ZNF799: variants seen among roughly 807,000 people sequenced by gnomAD.
ZNF799 encodes zinc finger protein 799, also known as zinc finger protein 14.
In ZNF799, 28 loss-of-function variants were observed where a neutral mutation model predicts 41.0. That is an observed-to-expected ratio of 0.68 (90% confidence interval 0.51 to 0.94). ZNF799 has a LOEUF of 0.94. ZNF799 is among the 40% of genes least tolerant of loss of function. ZNF799 has a pLI of 0.00. For synonymous variants in ZNF799, 213 were observed against 252.9 expected (o/e 0.84, Z 1.50); for missense variants, 716 against 764.3 (o/e 0.94, Z 0.74).
chr19:12,401,421 T>A, upstream of ZNF799: 1 of 518,158 alleles, frequency 1.9e-6, no homozygotes. Flanking sequence ...GCGGGCTTCC[T>A]CCCTGCTCTT....
the ZNF799 span, among the ~76,000 whole-genome samples, chr19:12,412,544 G>GAA: frequency 5.6e-3 from 831 of 147,274 alleles, 2 homozygotes; most frequent in Non-Finnish European, 8.7e-3. Flanking sequence ...AAATTTGTCA[G>GAA]AAAAAAAAAA....
rs1969974488 is a variant in ZNF799 at position 12,401,017 on chromosome 19, G to A, written c.3+51C>T. The A allele has an allele frequency of 4.3e-6, 7 of 1,613,712 alleles. No individual in the cohort carries two copies. The South Asian group carries it at 7.7e-5, about 18-fold the overall frequency. The stretch of plus-strand genomic sequence containing the variant: ...GGTCCAGCCACAGCCGATTACTGCA[G>A]GTTCCACCCAGCCCCTCCCCCGCCT... On this transcript the variant is annotated intron_variant, in intron 1 of 3. Coordinates refer to ENST00000430385, the MANE Select transcript of ZNF799 (RefSeq NM_001080821.3).
At chr19:12,409,031 A>T in the ZNF799 span, among the ~76,000 whole-genome samples, 1 of 150,946 alleles carries the variant, frequency 6.6e-6, no homozygotes, top group South Asian at 2.1e-4. Context: ...GTGAAACTCC[A>T]CCTCAAGAAA....
Position 12,401,141 on chromosome 19 carries a change from A to C in ZNF799, c.-71T>G. Reference sequence around the variant, plus strand: ...GCCAATGCGGGTTCCCGCGGGACACAGGCTGCCACGGAACTTCCAGGTCGT... The same window carrying C: ...GCCAATGCGGGTTCCCGCGGGACACCGGCTGCCACGGAACTTCCAGGTCGT... On this transcript the variant is annotated 5_prime_UTR_variant, in exon 1 of 4. Transcript: ENST00000430385. The C allele has an allele frequency of 6.2e-7, 1 of 1,611,628 alleles. No homozygotes were observed. The highest frequency in any genetic ancestry group is 1.1e-5 in the South Asian group (1 of 90,948).
At chr19:12,407,735 C>T in the ZNF799 span, among the ~76,000 whole-genome samples, 13 of 152,022 alleles carry the variant, frequency 8.6e-5, no homozygotes, top group South Asian at 6.2e-4. Context: ...ATCTGGGATA[C>T]GAGGGAGGAA....
chr19:12,400,721 A>C, intron 1 of ZNF799: 3 of 493,110 alleles, frequency 6.1e-6, no homozygotes, highest in Non-Finnish European at 1.1e-5. Context: ...CTCTCTGGCT[A>C]TTAAACTGTT....
chr19:12,411,625 T>C, the ZNF799 span, among the ~76,000 whole-genome samples: 1 of 151,958 alleles, frequency 6.6e-6, no homozygotes, highest in African/African-American at 2.4e-5. Context: ...TTTGTTTTTT[T>C]TGAGGCAGAC....
chr19:12,410,611 G>A, the ZNF799 span, among the ~76,000 whole-genome samples: 1 of 151,924 alleles, frequency 6.6e-6, no homozygotes, highest in East Asian at 1.9e-4. Flanking sequence ...AAATTACAAT[G>A]AGAATATATT....
At chr19:12,414,578 C>T in the ZNF799 span, among the ~76,000 whole-genome samples, 2 of 152,196 alleles carry the variant, frequency 1.3e-5, no homozygotes, top group East Asian at 1.9e-4. Context: ...CTGCTGGCGA[C>T]ATGGCCAAGC....
intron 1 of ZNF799, 22 bp downstream of exon 1, chr19:12,401,046 G>A (rs369451873): frequency 2.0e-4 from 317 of 1,614,006 alleles, no homozygotes; most frequent in Non-Finnish European, 2.5e-4. Context: ...CCCGCCTCGG[G>A]ACGCCGGCCC....
chr19:12,391,143 T>A lies in ZNF799; in HGVS notation c.1255A>T (p.Lys419Ter), dbSNP rs372293608. The A allele has an allele frequency of 3.1e-6, 5 of 1,614,228 alleles. No homozygotes were observed. The highest frequency in any genetic ancestry group is 4.2e-6 in the Non-Finnish European group (5 of 1,180,020). Residue 419 changes from lysine (K) to a stop codon, truncating the protein, a stop_gained, in exon 4 of 4, where the codon AAA becomes TAA. Coordinates refer to ENST00000430385, the MANE Select transcript of ZNF799 (RefSeq NM_001080821.3). LOFTEE classifies it high-confidence loss of function. ...CCACATTGTTTACATTTATAGGGTTTCTCTGCAGTGTGAGTCTTTTCATGC... is the reference window on the plus strand; with the variant it reads ...CCACATTGTTTACATTTATAGGGTTACTCTGCAGTGTGAGTCTTTTCATGC... ...QRHEKTHTAE[K>*]PYKCKQCGKA...
upstream of ZNF799, among the ~76,000 whole-genome samples, chr19:12,404,057 T>C (rs1970014763): frequency 6.6e-6 from 1 of 152,228 alleles, no homozygotes; most frequent in Non-Finnish European, 1.5e-5. Flanking sequence ...TTTGTATGGT[T>C]TCCAGAATTC....
intron 1 of ZNF799, among the ~76,000 whole-genome samples, chr19:12,397,721 A>T (rs184555205): frequency 6.6e-6 from 1 of 152,250 alleles, no homozygotes; most frequent in East Asian, 1.9e-4. Context: ...CAAATGTAAA[A>T]CAATTATATA....
In ZNF799 at chr19:12,390,651, T is replaced by C; in HGVS notation, c.1747A>G (p.Thr583Ala). 1 of 1,612,342 alleles carries C rather than the reference T, an allele frequency of 6.2e-7. No homozygotes were observed. Among genetic ancestry groups the C allele is most frequent in the East Asian group, 2.2e-5 (1 of 44,762 alleles). ...RFLQGHEKTHTGENPYECKEC... is the reference protein window; with the variant it reads ...RFLQGHEKTHAGENPYECKEC... ...TTACATTCATACGGGTTCTCTCCAG[T>C]ATGAGTTTTTTCATGTCCTTGAAGA... Residue 583 changes from threonine (T) to alanine (A), a missense_variant, in exon 4 of 4, where the codon ACT becomes GCT. Thr to Ala is a moderately conservative substitution (Grantham distance 58, BLOSUM62 0). Transcript: ENST00000430385.
chr19:12,403,389 T>C (rs1397554228), upstream of ZNF799, among the ~76,000 whole-genome samples: 3 of 152,124 alleles, frequency 2.0e-5, no homozygotes, highest in African/African-American at 7.2e-5. Context: ...TTTTGTTTCA[T>C]TGTTCTTTTC....
the ZNF799 span, among the ~76,000 whole-genome samples, chr19:12,413,955 G>A: frequency 9.8e-5 from 15 of 152,300 alleles, no homozygotes; most frequent in African/African-American, 3.1e-4. Context: ...CCGTGCACAC[G>A]CACCATTTCC....
the ZNF799 span, among the ~76,000 whole-genome samples, chr19:12,406,301 A>C: frequency 6.6e-6 from 1 of 150,548 alleles, no homozygotes; most frequent in Non-Finnish European, 1.5e-5. Flanking sequence ...AACACGGTGA[A>C]ACCCCATCTC....
At chr19:12,407,206 A>AT in the ZNF799 span, among the ~76,000 whole-genome samples, 4 of 152,140 alleles carry the variant, frequency 2.6e-5, no homozygotes, top group Non-Finnish European at 4.4e-5. Flanking sequence ...GCTCATGCCT[A>AT]TAATTCCGGC....
At position 12,390,709 on chromosome 19, in the gene ZNF799, T is replaced by C. The variant is rs1327730688; in HGVS notation, c.1689A>G (p.Gln563=). 1.9e-6 allele frequency: 3 copies of C among 1,613,758 alleles called. No homozygotes were observed. The highest frequency in any genetic ancestry group is 2.7e-5 in the African/African-American group (2 of 74,896). The part of the protein sequence containing the change: ...IHMREKPYEC[Q]QCGKAFTHSR... ...AATGAGTGAAGGCTTTACCACATTG[T>C]TGACACTCATAGGGTTTCTCTCTCA... Residue 563 remains glutamine, a synonymous_variant, in exon 4 of 4, where the codon CAA becomes CAG. Coordinates refer to ENST00000430385, the MANE Select transcript of ZNF799 (RefSeq NM_001080821.3).
Sources: gnomAD v4.1 joint callset for allele counts (sites outside exome capture counted in the v4.1 genomes callset) on GRCh38, gnomAD v4.1.1 for gene constraint, MANE v1.5 for transcripts, NCBI Gene and HGNC (gene_info 2026-07-23, HGNC 2026-07-21) for gene names.